Variants in NEDD4 observed in about 807,000 individuals in gnomAD.
NEDD4 encodes the protein NEDD4 E3 ubiquitin protein ligase.
Under a neutral mutation model 144.9 loss-of-function variants are expected in NEDD4, and 99 were observed. The observed-to-expected ratio is 0.68, with a 90% CI of 0.58 to 0.81. The LOEUF (loss-of-function observed/expected upper bound fraction) is 0.81. Ranked by LOEUF, NEDD4 falls within the 30% of genes least tolerant of loss-of-function variation. NEDD4 has a pLI of 0.00. For synonymous variants in NEDD4, 318 were observed against 350.6 expected (o/e 0.91, Z 1.04); for missense variants, 985 against 1,065.9 (o/e 0.92, Z 1.06).
At chr15:55,852,690 AATATATATAT>A (rs59736982) in intron 12 of NEDD4, 147 bp from the exon 13 acceptor site, 85,053 of 183,506 alleles carry the variant, frequency 0.46, 23,388 homozygotes, top group Non-Finnish European at 0.49. Flanking sequence ...CTTTTCTAGA[AATATATATAT>A]ATATATATAT....
chr15:55,975,574 G>A (rs1278503195), intron 1 of NEDD4, among the ~76,000 whole-genome samples: 5 of 151,552 alleles, frequency 3.3e-5, no homozygotes, highest in Non-Finnish European at 7.4e-5. Flanking sequence ...CTTAACCAAA[G>A]AAGTGAGAGA....
At chr15:55,899,618 C>T (rs2035848770) in intron 5 of NEDD4, among the ~76,000 whole-genome samples, 1 of 152,188 alleles carries the variant, frequency 6.6e-6, no homozygotes, top group Non-Finnish European at 1.5e-5. Flanking sequence ...CAGCCATAAC[C>T]ACCTAGTACA....
intron 5 of NEDD4, among the ~76,000 whole-genome samples, chr15:55,877,069 A>C (rs1220670080): frequency 6.6e-6 from 1 of 152,128 alleles, no homozygotes; most frequent in Non-Finnish European, 1.5e-5. Context: ...GAGAATCCTC[A>C]TATACTTTTC....
In NEDD4 at chr15:55,869,661, C is replaced by T. The variant is rs1223744898; in HGVS notation, c.425G>A (p.Gly142Asp). The T allele has an allele frequency of 1.9e-6, 3 of 1,559,528 alleles. No homozygotes were observed. The highest frequency in any genetic ancestry group is 2.4e-5 in the South Asian group (2 of 85,088). Residue 142 changes from glycine (G) to aspartate (D), a missense_variant, in exon 8 of 29, where the codon GGT (glycine) becomes GAT (aspartate). Gly to Asp is a moderately conservative substitution (Grantham distance 94, BLOSUM62 -1). Transcript: ENST00000435532. The stretch of plus-strand genomic sequence containing the variant: ...ATAAGTCATTTTTAGTCTCAGATAA[C>T]CTTTAACTCTTGATTTGTGACTGTA... ...HPRSHKSRVK[G>D]YLRLKMTYLP... is the part of the protein sequence containing the mutation.
chr15:55,890,313 T>C lies in NEDD4; in HGVS notation c.292-16305A>G, dbSNP rs140333401. ...GACAATCAATTTTAGAACATTTTCA[T>C]CACCCAAAAAGAACACCCTTACCAA... On this transcript the variant is annotated intron_variant, in intron 5 of 28. Coordinates refer to ENST00000435532, the MANE Select transcript of NEDD4 (RefSeq NM_006154.4). Among the ~76,000 whole-genome samples, 14 of 152,280 alleles carry C rather than the reference T, an allele frequency of 9.2e-5. No individual in the cohort carries two copies. In the East Asian group the frequency reaches 2.7e-3, roughly 29 times the overall value.
chr15:55,853,993 A>G (rs1470469580), intron 12 of NEDD4, among the ~76,000 whole-genome samples: 2 of 151,978 alleles, frequency 1.3e-5, no homozygotes, highest in Non-Finnish European at 2.9e-5. Context: ...CCGACTCAAA[A>G]TAACAGAAAT....
intron 1 of NEDD4, among the ~76,000 whole-genome samples, chr15:55,970,605 G>C (rs1371137693): frequency 6.6e-6 from 1 of 152,180 alleles, no homozygotes; most frequent in Non-Finnish European, 1.5e-5. Context: ...TTGGTTGGGG[G>C]AAAATAAGAG....
At chr15:55,916,374 T>TTA (rs1566950271) in intron 5 of NEDD4, 1 of 1,614,034 alleles carries the variant, frequency 6.2e-7, no homozygotes, top group East Asian at 2.2e-5. Context: ...GGTTGAAAAG[T>TTA]TACTAAGGCT....
intron 19 of NEDD4, among the ~76,000 whole-genome samples, 181 bp downstream of exon 19, chr15:55,841,753 A>C (rs2033515736): frequency 6.6e-6 from 1 of 152,076 alleles, no homozygotes; most frequent in Admixed American, 6.6e-5. Context: ...TTGTATTTTT[A>C]GTAGAGACGG....
At chr15:55,982,720 G>A (rs539237330) in intron 1 of NEDD4, among the ~76,000 whole-genome samples, 12 of 152,204 alleles carry the variant, frequency 7.9e-5, no homozygotes, top group South Asian at 2.1e-4. Flanking sequence ...TTCACTCTTT[G>A]TAAATTTCAC....
intron 2 of NEDD4, among the ~76,000 whole-genome samples, chr15:55,965,272 C>T (rs1451779036): frequency 6.6e-6 from 1 of 152,140 alleles, no homozygotes; most frequent in East Asian, 1.9e-4. Flanking sequence ...AATCTTGTCT[C>T]ACTGCAGCAG....
intron 24 of NEDD4, among the ~76,000 whole-genome samples, chr15:55,834,803 A>C (rs1414015103): frequency 6.6e-6 from 1 of 152,180 alleles, no homozygotes; most frequent in African/African-American, 2.4e-5. Flanking sequence ...CCTTCTTTAC[A>C]GTAGGTAAGT....
At chr15:55,847,742 C>T (rs1289283480) in intron 17 of NEDD4, among the ~76,000 whole-genome samples, 1 of 146,586 alleles carries the variant, frequency 6.8e-6, no homozygotes, top group South Asian at 2.1e-4. Context: ...GGTGGTACAA[C>T]CTCAGCTCAC....
chr15:55,882,863 C>G (rs1284010085), intron 5 of NEDD4, among the ~76,000 whole-genome samples: 1 of 152,160 alleles, frequency 6.6e-6, no homozygotes, highest in Non-Finnish European at 1.5e-5. Context: ...GACTGAAGAG[C>G]CTTAGGTCCT....
chr15:55,955,596 A>G (rs2037322622), intron 2 of NEDD4, among the ~76,000 whole-genome samples: 1 of 152,136 alleles, frequency 6.6e-6, no homozygotes, highest in South Asian at 2.1e-4. Flanking sequence ...TATTTCAGTT[A>G]GTGTAATATC....
intron 4 of NEDD4, among the ~76,000 whole-genome samples, chr15:55,944,867 C>A (rs1361191631): frequency 3.3e-5 from 5 of 152,172 alleles, no homozygotes; most frequent in Non-Finnish European, 7.3e-5. Flanking sequence ...CCCAAGCAAA[C>A]AGGGTCTGGA....
In NEDD4 at chr15:55,872,457, T is replaced by C; in HGVS notation, c.362A>G (p.Glu121Gly). 6.8e-7 allele frequency: 1 copy of C among 1,464,984 alleles called. No individual in the cohort carries two copies. The allele number at this position is 1,464,984 out of a possible 1,614,324, so 90.7% of individuals were successfully genotyped here. The change falls in exon 7 of 29, where the codon GAG (glutamate) becomes GGG (glycine). Residue 121 changes from glutamate to glycine, a missense_variant. By Grantham distance (98) the Glu-to-Gly change is moderately conservative. Coordinates refer to ENST00000435532, the MANE Select transcript of NEDD4 (RefSeq NM_006154.4). ...AAAATCCTTAAATGTATATGGTCTCTCCAATCTTGGATTTTCTGTCTAGAA... is the reference window on the plus strand; with the variant it reads ...AAAATCCTTAAATGTATATGGTCTCCCCAATCTTGGATTTTCTGTCTAGAA... ...YPLPTENPRLERPYTFKDFVL... is the reference protein window; with the variant it reads ...YPLPTENPRLGRPYTFKDFVL...
chr15:55,968,238 A>G (rs902008407), intron 1 of NEDD4, among the ~76,000 whole-genome samples: 3 of 152,164 alleles, frequency 2.0e-5, no homozygotes, highest in African/African-American at 7.2e-5. Flanking sequence ...TTCAATCACT[A>G]TCTTATACTA....
intron 11 of NEDD4, among the ~76,000 whole-genome samples, chr15:55,857,761 C>T (rs558202201): frequency 6.6e-6 from 1 of 151,850 alleles, no homozygotes; most frequent in South Asian, 2.1e-4. Context: ...AATACTATAC[C>T]AAGTCTTTAC....
Sources: allele counts gnomAD v4.1 joint callset (sites outside exome capture counted in the v4.1 genomes callset), GRCh38; gene constraint gnomAD v4.1.1; transcripts MANE v1.5; gene names NCBI Gene and HGNC (gene_info 2026-07-23, HGNC 2026-07-21).